Variants in MAP3K6 observed in about 807,000 individuals in gnomAD.
MAP3K6 encodes the protein apoptosis signal-regulating kinase 2.
Under a neutral mutation model 147.1 loss-of-function variants are expected in MAP3K6, and 105 were observed. The ratio of observed to expected loss-of-function variants is 0.71; its 90% CI spans 0.61 to 0.84. The LOEUF (loss-of-function observed/expected upper bound fraction) is 0.84. MAP3K6 is among the 40% of genes least tolerant of loss of function. MAP3K6 has a pLI of 0.00. For missense variants in MAP3K6, 1,569 were observed against 1,715.0 expected (o/e 0.91, Z 1.50); for synonymous variants, 695 against 732.4 (o/e 0.95, Z 0.82).
Position 27,358,116 on chromosome 1 carries a change from T to C in MAP3K6, c.2915+65A>G. 6.6e-7 allele frequency: 1 copy of C among 1,524,376 alleles called. No individual in the cohort carries two copies. The highest frequency in any genetic ancestry group is 8.8e-7 in the Non-Finnish European group (1 of 1,139,676). 94.4% of individuals were successfully genotyped at this position (1,524,376 alleles called of 1,614,324 possible). On this transcript the variant is annotated intron_variant, in intron 21 of 28. Transcript: ENST00000357582. The surrounding 1 kb of genome is among the most constrained non-coding windows in gnomAD (Gnocchi z 6.2). ...GTGCCCAGGTCCCCAGGGAGGGCTT[T>C]TGTAGGAGAGGAGAAAAAGGCAAAA...
chr1:27,358,655 A>G lies in MAP3K6; in HGVS notation c.2584-44T>C. 1 of 1,613,650 alleles carries G rather than the reference A, an allele frequency of 6.2e-7. No homozygotes were observed. The highest frequency in any genetic ancestry group is 8.5e-7 in the Non-Finnish European group (1 of 1,179,884). On this transcript the variant is annotated intron_variant, in intron 19 of 28. Transcript: ENST00000357582. This position sits in a 1 kb window ranked among gnomAD's most constrained non-coding sequence, Gnocchi z 6.2. ...CAAGGGTGACATTCAGAGGTGTCCA[A>G]GGCCCAGGCTGGCCCTATGCCACTT...
chr1:27,355,633 T>TATGC (rs1317699330), intron 28 of MAP3K6, 36 bp downstream of exon 28: 1 of 1,609,278 alleles, frequency 6.2e-7, no homozygotes, highest in East Asian at 2.2e-5. Context: ...GATGAGGCCA[T>TATGC]ATGCATGGTT....
In MAP3K6 at chr1:27,358,946, C is replaced by T; in HGVS notation, c.2426-80G>A. 12 of 1,402,692 alleles carry T rather than the reference C, an allele frequency of 8.6e-6. No individual in the cohort carries two copies. The highest frequency in any genetic ancestry group is 1.2e-5 in the Non-Finnish European group (12 of 1,032,370). The allele number at this position is 1,402,692 out of a possible 1,614,324, so 86.9% of individuals were successfully genotyped here. ...GCAGGGAGGGGAATGCCGTCATCCT[C>T]AGGCCGACTGCACCCATACTGAACC... On this transcript the variant is annotated intron_variant, in intron 18 of 28. Coordinates refer to ENST00000357582, the MANE Select transcript of MAP3K6 (RefSeq NM_004672.5). This position sits in a 1 kb window ranked among gnomAD's most constrained non-coding sequence, Gnocchi z 6.2.
chr1:27,366,201 TC>T lies in MAP3K6; in HGVS notation c.340+56del. 7.9e-7 allele frequency: 1 copy of T among 1,259,654 alleles called. No individual in the cohort carries two copies. The highest frequency in any genetic ancestry group is 1.0e-6 in the Non-Finnish European group (1 of 1,002,112). 78.0% of individuals were successfully genotyped at this position (1,259,654 alleles called of 1,614,324 possible). ...CCTTGAGCCTTCGAGCCCGGCTTGG[TC>T]CCCTCCCAGGACCCTGAGTCCCGCC... On this transcript the variant is annotated intron_variant, in intron 1 of 28. Transcript: ENST00000357582. The surrounding 1 kb of genome is among the most constrained non-coding windows in gnomAD (Gnocchi z 5.5).
Position 27,358,943 on chromosome 1 carries a change from C to A in MAP3K6, c.2426-77G>T, listed in dbSNP as rs984379231. 1.4e-6 allele frequency: 2 copies of A among 1,441,762 alleles called. No individual in the cohort carries two copies. The highest frequency in any genetic ancestry group is 1.9e-6 in the Non-Finnish European group (2 of 1,067,508). 89.3% of individuals were successfully genotyped at this position (1,441,762 alleles called of 1,614,324 possible). Reference sequence around the variant, plus strand: ...GGAGCAGGGAGGGGAATGCCGTCATCCTCAGGCCGACTGCACCCATACTGA... The same window carrying A: ...GGAGCAGGGAGGGGAATGCCGTCATACTCAGGCCGACTGCACCCATACTGA... On this transcript the variant is annotated intron_variant, in intron 18 of 28. Coordinates refer to ENST00000357582, the MANE Select transcript of MAP3K6 (RefSeq NM_004672.5). The surrounding 1 kb of genome is among the most constrained non-coding windows in gnomAD (Gnocchi z 6.2).
Position 27,361,562 on chromosome 1 carries a change from T to G in MAP3K6, c.1644A>C (p.Pro548=). The change falls in exon 11 of 29, where the codon CCA becomes CCC. Residue 548 remains proline, a synonymous_variant. Coordinates refer to ENST00000357582, the MANE Select transcript of MAP3K6 (RefSeq NM_004672.5). ...PAKLEVRGTD[P]VSTVTLSLLE... is the part of the protein sequence containing the mutation. Reference sequence around the variant, plus strand: ...GCAGGCTCAGGGTCACTGTGCTTACTGGGTCAGTACCCCGAACCTCGAGCT... The same window carrying G: ...GCAGGCTCAGGGTCACTGTGCTTACGGGGTCAGTACCCCGAACCTCGAGCT... 6.2e-7 allele frequency: 1 copy of G among 1,614,204 alleles called. No homozygotes were observed. The highest frequency in any genetic ancestry group is 8.5e-7 in the Non-Finnish European group (1 of 1,180,032).
chr1:27,364,074 C>T lies in MAP3K6; in HGVS notation c.707G>A (p.Arg236Gln), dbSNP rs749411665. ...ATPTDSCGYF[R>Q]ETIRRDIRQA... ...CCGGATGTCCCGCCGAATGGTCTCC[C>T]GGAAATAGCCACTGATGCCCAGGGT... The change falls in exon 5 of 29, where the codon CGG becomes CAG. Residue 236 changes from arginine to glutamine, a missense_variant. Coordinates refer to ENST00000357582, the MANE Select transcript of MAP3K6 (RefSeq NM_004672.5). The surrounding 1 kb of genome is among the most constrained non-coding windows in gnomAD (Gnocchi z 4.4). 18 of 1,612,096 alleles carry T rather than the reference C, an allele frequency of 1.1e-5. No individual in the cohort carries two copies. Among genetic ancestry groups the T allele is most frequent in the Admixed American group, 8.3e-5 (5 of 59,954 alleles).
In MAP3K6 at chr1:27,361,614, T is replaced by C; in HGVS notation, c.1592A>G (p.Glu531Gly). The C allele has an allele frequency of 6.2e-7, 1 of 1,614,124 alleles. No homozygotes were observed. ...TGCAGGCAGCAGCACCTTGTTCATC[T>C]CCAGGACCAGCACCTGCAGGCAGTT... ...QGDQCLVLVL[E>G]MNKVLLPAKL... The change falls in exon 11 of 29, where the codon GAG (glutamate) becomes GGG (glycine). Residue 531 changes from glutamate (E) to glycine (G), a missense_variant. Physicochemically the swap from Glu to Gly is moderately conservative, Grantham distance 98. Coordinates refer to ENST00000357582, the MANE Select transcript of MAP3K6 (RefSeq NM_004672.5).
rs769715780 is a variant in MAP3K6 at position 27,362,199 on chromosome 1, T to A, written c.1307A>T (p.Gln436Leu). The change falls in exon 9 of 29, where the codon CAG becomes CTG. Residue 436 changes from glutamine to leucine, a missense_variant. Transcript: ENST00000357582. ...GTAGAAACCCACATCCCAGTAATAC[T>A]GCATCTTCTCCACGCAGCCTTTGCG... ...LARKGCVEKM[Q>L]YYWDVGFYLG... The A allele has an allele frequency of 1.2e-6, 2 of 1,613,464 alleles. No homozygotes were observed. The highest frequency in any genetic ancestry group is 2.2e-5 in the South Asian group (2 of 91,068).
rs1276480179 is a variant in MAP3K6 at position 27,364,961 on chromosome 1, G to A, written c.341-49C>T. 2.0e-6 allele frequency: 3 copies of A among 1,535,310 alleles called. No homozygotes were observed. Among genetic ancestry groups the A allele is most frequent in the East Asian group, 2.3e-5 (1 of 44,020 alleles). On this transcript the variant is annotated intron_variant, in intron 1 of 28. Coordinates refer to ENST00000357582, the MANE Select transcript of MAP3K6 (RefSeq NM_004672.5). The surrounding 1 kb of genome is among the most constrained non-coding windows in gnomAD (Gnocchi z 4.4). ...CTGATCCCTGAAGCCCAGCTTGATG[G>A]GGAAGGAGCCGGGGTCCATCCTGGC...
Position 27,366,592 on chromosome 1 carries a change from C to A in MAP3K6, c.6G>T (p.Ala2=). 9.3e-7 allele frequency: 1 copy of A among 1,078,666 alleles called. No individual in the cohort carries two copies. Among genetic ancestry groups the A allele is most frequent in the African/African-American group, 1.7e-5 (1 of 59,542 alleles). The allele number at this position is 1,078,666 out of a possible 1,614,324, so 66.8% of individuals were successfully genotyped here. Residue 2 remains alanine (A), a synonymous_variant, in exon 1 of 29, where the codon GCG becomes GCT. Coordinates refer to ENST00000357582, the MANE Select transcript of MAP3K6 (RefSeq NM_004672.5). This position sits in a 1 kb window ranked among gnomAD's most constrained non-coding sequence, Gnocchi z 5.5. The stretch of plus-strand genomic sequence containing the variant: ...CCGCCCCGGACCGGGGACACGGCCC[C>A]GCCATGCGGGGGCGCTCAGGCGCGG... M[A]GPCPRSGAER...
In MAP3K6 at chr1:27,360,577, A is replaced by G; in HGVS notation, c.2054+128T>C. On this transcript the variant is annotated intron_variant, in intron 15 of 28. Transcript: ENST00000357582. The surrounding 1 kb of genome is among the most constrained non-coding windows in gnomAD (Gnocchi z 4.5). ...TGTTCCGCCCACGGGCCCAGTCCAC[A>G]GGGCTCGAACTCTCAGGTCCTACGA... 1 of 1,426,172 alleles carries G rather than the reference A, an allele frequency of 7.0e-7. No individual in the cohort carries two copies. The highest frequency in any genetic ancestry group is 9.3e-7 in the Non-Finnish European group (1 of 1,075,510). The allele number at this position is 1,426,172 out of a possible 1,614,324, so 88.3% of individuals were successfully genotyped here.
In MAP3K6 at chr1:27,357,741, C is replaced by G; in HGVS notation, c.3051G>C (p.Glu1017Asp). The G allele has an allele frequency of 6.2e-7, 1 of 1,611,926 alleles. No individual in the cohort carries two copies. Among genetic ancestry groups the G allele is most frequent in the Non-Finnish European group, 8.5e-7 (1 of 1,179,874 alleles). The change falls in exon 22 of 29, where the codon GAG becomes GAC. Residue 1017 changes from glutamate to aspartate, a missense_variant. Glu to Asp is a conservative substitution (Grantham distance 45). Transcript: ENST00000357582. ...VLEQELPALA[E>D]NLHQEQKQEQ... ...CTTGCTTCTGCTCCTGGTGCAGATT[C>G]TCCGCCAGCGCTGGCAGCTCCTGCT...
At chr1:27,361,031 C>T (rs974024465) in intron 13 of MAP3K6, 23 bp from the exon 14 acceptor site, 5 of 1,553,112 alleles carry the variant, frequency 3.2e-6, no homozygotes, top group Admixed American at 1.9e-5. Context: ...GAGGTCAGAC[C>T]CGCGGGAGGG....
chr1:27,361,968 C>T, intron 9 of MAP3K6, 101 bp from the exon 10 acceptor site: 1 of 1,505,970 alleles, frequency 6.6e-7, no homozygotes. Flanking sequence ...GCATGGGGTG[C>T]CACGGGCACT....
At position 27,358,181 on chromosome 1, in the gene MAP3K6, C is replaced by T. The variant is rs143487336; in HGVS notation, c.2915G>A (p.Arg972Gln). 13 of 1,583,152 alleles carry T rather than the reference C, an allele frequency of 8.2e-6. No individual in the cohort carries two copies. In the East Asian group the frequency reaches 9.0e-5, roughly 11 times the overall value. The change falls in exon 21 of 29, where the codon CGG (arginine) becomes CAG (glutamine). Residue 972 changes from arginine to glutamine, a missense_variant and splice_region_variant. Arg to Gln is a conservative substitution (Grantham distance 43, BLOSUM62 1). Transcript: ENST00000357582. This position sits in a 1 kb window ranked among gnomAD's most constrained non-coding sequence, Gnocchi z 6.2. ...CCCATCCCAGGAGCCTTGGTCTCAC[C>T]GGAGCTGGCTGGTGCCCCCATAACT... ...CLSYGGTSQL[R>Q]VPEEPAAEEP... is the part of the protein sequence containing the mutation.
chr1:27,359,639 C>A lies in MAP3K6; in HGVS notation c.2320-117G>T. 6.7e-7 allele frequency: 1 copy of A among 1,485,952 alleles called. No homozygotes were observed. Among genetic ancestry groups the A allele is most frequent in the East Asian group, 2.4e-5 (1 of 41,372 alleles). The allele number at this position is 1,485,952 out of a possible 1,614,324, so 92.0% of individuals were successfully genotyped here. ...CTGGTCCTGCCTCTGTCAACACTCT[C>A]CCCTTGCCATCCCACTTATATGCCC... On this transcript the variant is annotated intron_variant, in intron 17 of 28. Coordinates refer to ENST00000357582, the MANE Select transcript of MAP3K6 (RefSeq NM_004672.5). The surrounding 1 kb of genome is among the most constrained non-coding windows in gnomAD (Gnocchi z 4.4).
Position 27,361,586 on chromosome 1 carries a change from C to T in MAP3K6, c.1620G>A (p.Lys540=), listed in dbSNP as rs1238654987. 6.2e-7 allele frequency: 1 copy of T among 1,614,188 alleles called. No homozygotes were observed. Among genetic ancestry groups the T allele is most frequent in the Non-Finnish European group, 8.5e-7 (1 of 1,180,034 alleles). ...CTGGGTCAGTACCCCGAACCTCGAG[C>T]TTTGCAGGCAGCAGCACCTTGTTCA... ...LEMNKVLLPA[K]LEVRGTDPVS... is the part of the protein sequence containing the mutation. The change falls in exon 11 of 29, where the codon AAG becomes AAA. Residue 540 remains lysine, a synonymous_variant. Coordinates refer to ENST00000357582, the MANE Select transcript of MAP3K6 (RefSeq NM_004672.5).
At position 27,360,306 on chromosome 1, in the gene MAP3K6, A is replaced by C. The variant is rs2015699469; in HGVS notation, c.2117T>G (p.Val706Gly). 6.2e-7 allele frequency: 1 copy of C among 1,613,952 alleles called. No individual in the cohort carries two copies. Among genetic ancestry groups the C allele is most frequent in the South Asian group, 1.1e-5 (1 of 91,088 alleles). The part of the protein sequence containing the change: ...LHRRLRHKNI[V>G]RYLGSASQGG... ...CTGGCTAGCTGAGCCCAGATAGCGC[A>C]CTATGTTCTTGTGGCGCAGGCGTCT... Residue 706 changes from valine to glycine, a missense_variant, in exon 16 of 29, where the codon GTG becomes GGG. Coordinates refer to ENST00000357582, the MANE Select transcript of MAP3K6 (RefSeq NM_004672.5). This position sits in a 1 kb window ranked among gnomAD's most constrained non-coding sequence, Gnocchi z 4.5.
Sources: allele counts gnomAD v4.1 joint callset, GRCh38; gene constraint gnomAD v4.1.1; non-coding constraint Gnocchi (gnomAD v3.1); transcripts MANE v1.5; gene names NCBI Gene and HGNC (gene_info 2026-07-23, HGNC 2026-07-21).